MAP2K4: variants seen among roughly 807,000 people sequenced by gnomAD.
MAP2K4 encodes the protein mitogen-activated protein kinase kinase 4.
Under a neutral mutation model 48.5 loss-of-function variants are expected in MAP2K4, and 4 were observed. The ratio of observed to expected loss-of-function variants is 0.08; its 90% confidence interval spans 0.04 to 0.19. The LOEUF (loss-of-function observed/expected upper bound fraction) is 0.19. Ranked by LOEUF, MAP2K4 falls within the 10% of genes least tolerant of loss-of-function variation. The probability of loss-of-function intolerance (pLI) is 1.00; values close to 1 mark genes in which losing one functional copy is unlikely to be tolerated. For synonymous variants in MAP2K4, 166 were observed against 173.1 expected (o/e 0.96, Z 0.32); for missense variants, 258 against 493.3 (o/e 0.52, Z 4.52).
At chr17:12,079,080 A>C (rs1971105551) in intron 2 of MAP2K4, among the ~76,000 whole-genome samples, 1 of 152,204 alleles carries the variant, frequency 6.6e-6, no homozygotes, top group African/African-American at 2.4e-5. Context: ...AGCTTTGCTG[A>C]GATGTAATTC....
At chr17:12,023,011 T>C (rs1371180786) in intron 1 of MAP2K4, among the ~76,000 whole-genome samples, 1 of 152,218 alleles carries the variant, frequency 6.6e-6, no homozygotes, top group Admixed American at 6.5e-5. Flanking sequence ...CCTCAGCCCT[T>C]GTATGTTGAT....
intron 4 of MAP2K4, among the ~76,000 whole-genome samples, chr17:12,096,080 C>G (rs1432041003): frequency 4.8e-5 from 2 of 41,744 alleles, no homozygotes; most frequent in South Asian, 1.3e-3. Context: ...CCCCCCCCCC[C>G]CCCCCCCCGC....
chr17:12,031,375 G>T (rs7208037), intron 1 of MAP2K4, among the ~76,000 whole-genome samples: 5 of 152,056 alleles, frequency 3.3e-5, no homozygotes, highest in Non-Finnish European at 5.9e-5. Context: ...TGCGTGTTTT[G>T]ATTGAATTTG....
In MAP2K4 at chr17:12,143,520, C is replaced by A. The variant is rs1383091869; in HGVS notation, c.*2260C>A. ...CCATAGAAAAATGTATAAAAATTAT[C>A]AAAAAGCTAATGTGCAGGGATATTG... is the stretch of plus-strand genomic sequence containing the variant. On this transcript the variant is annotated 3_prime_UTR_variant, in exon 11 of 11. Coordinates refer to ENST00000353533, the MANE Select transcript of MAP2K4 (RefSeq NM_003010.4). 4.3e-6 allele frequency: 1 copy of A among 231,356 alleles called. No homozygotes were observed. The highest frequency in any genetic ancestry group is 2.2e-5 in the African/African-American group (1 of 45,200). The allele number at this position is 231,356 out of a possible 1,614,324, so 14.3% of individuals were successfully genotyped here.
intron 3 of MAP2K4, among the ~76,000 whole-genome samples, chr17:12,092,931 C>G (rs1332211185): frequency 6.6e-6 from 1 of 152,092 alleles, no homozygotes; most frequent in East Asian, 1.9e-4. Flanking sequence ...GAGGCTGAGG[C>G]AGAAGAATGG....
intron 2 of MAP2K4, among the ~76,000 whole-genome samples, chr17:12,068,789 G>T (rs1022076959): frequency 6.7e-6 from 1 of 148,226 alleles, no homozygotes; most frequent in African/African-American, 2.4e-5. Flanking sequence ...ATGTATTTAT[G>T]TATACATGTG....
At chr17:12,025,826 T>G (rs1969235852) in intron 1 of MAP2K4, among the ~76,000 whole-genome samples, 1 of 152,370 alleles carries the variant, frequency 6.6e-6, no homozygotes, top group East Asian at 1.9e-4. Flanking sequence ...GAATATAAAA[T>G]GTATATGAAA....
chr17:12,051,355 A>G (rs1305331833), intron 1 of MAP2K4, among the ~76,000 whole-genome samples: 7 of 152,302 alleles, frequency 4.6e-5, no homozygotes, highest in East Asian at 3.9e-4. Context: ...GTCCATGTCA[A>G]CTTTATTCCC....
intron 9 of MAP2K4, 29 bp downstream of exon 9, chr17:12,129,316 C>G (rs369553046): frequency 6.8e-6 from 11 of 1,613,948 alleles, no homozygotes; most frequent in Non-Finnish European, 8.5e-6. Context: ...AATGGTCGAA[C>G]ACGCATGGCG....
At chr17:12,064,948 G>A (rs1048529625) in intron 2 of MAP2K4, among the ~76,000 whole-genome samples, 5 of 152,158 alleles carry the variant, frequency 3.3e-5, no homozygotes, top group African/African-American at 4.8e-5. Flanking sequence ...CAGAAGAAGC[G>A]AGACACAAAA....
At chr17:12,134,989 A>G (rs938927700) in intron 9 of MAP2K4, among the ~76,000 whole-genome samples, 1 of 152,156 alleles carries the variant, frequency 6.6e-6, no homozygotes, top group Admixed American at 6.5e-5. Context: ...TGCAACCTCA[A>G]CTTCCCAGGC....
chr17:12,112,156 C>T (rs1201746796), intron 6 of MAP2K4, among the ~76,000 whole-genome samples: 3 of 152,092 alleles, frequency 2.0e-5, no homozygotes, highest in Non-Finnish European at 4.4e-5. Context: ...CAATAAAACA[C>T]AGGTTCTGTT....
chr17:12,069,666 G>T (rs1567643477), intron 2 of MAP2K4: 2 of 1,002,492 alleles, frequency 2.0e-6, no homozygotes, highest in Non-Finnish European at 2.4e-6. Context: ...TTAGATCACA[G>T]CAAAGATACT....
chr17:12,040,932 T>G (rs1190218516), intron 1 of MAP2K4, among the ~76,000 whole-genome samples: 2 of 152,200 alleles, frequency 1.3e-5, no homozygotes, highest in African/African-American at 2.4e-5. Context: ...ATTATTAAAG[T>G]CTCTCTCTCA....
rs1971935143 is a variant in MAP2K4, at chr17:12,101,531, C to G, written c.513+5837C>G. Among the ~76,000 whole-genome samples, 4 of 152,066 alleles carry G rather than the reference C, an allele frequency of 2.6e-5. No homozygotes were observed. In the South Asian group the frequency reaches 8.3e-4, roughly 32 times the overall value. On this transcript the variant is annotated intron_variant, in intron 4 of 10. Transcript: ENST00000353533. ...TTTAGAATCCACTTGTCGATTTCTACCAAAAAACCCGAAAAAAACCAACAA... is the reference window on the plus strand; with the variant it reads ...TTTAGAATCCACTTGTCGATTTCTAGCAAAAAACCCGAAAAAAACCAACAA...
intron 4 of MAP2K4, 76 bp from the exon 5 acceptor site, chr17:12,107,714 A>G (rs184952093): frequency 1.6e-4 from 204 of 1,241,932 alleles, no homozygotes; most frequent in South Asian, 2.6e-4. Flanking sequence ...GCTCCTTTCT[A>G]TTGTATTTCC....
At chr17:12,114,466 A>T (rs1972418365) in intron 7 of MAP2K4, among the ~76,000 whole-genome samples, 1 of 151,612 alleles carries the variant, frequency 6.6e-6, no homozygotes, top group South Asian at 2.1e-4. Context: ...GGTTTTGTGG[A>T]TGTTGACTGG....
chr17:12,066,712 CGGA>C (rs1970627151), intron 2 of MAP2K4, among the ~76,000 whole-genome samples: 1 of 151,738 alleles, frequency 6.6e-6, no homozygotes, highest in Non-Finnish European at 1.5e-5. Flanking sequence ...TTTTTTGAGA[CGGA>C]GTCTCGTTCT....
Position 12,044,811 on chromosome 17 carries a change from C to T in MAP2K4, c.116-10078C>T, listed in dbSNP as rs949390447. Among the ~76,000 whole-genome samples, 14 of 152,204 alleles carry T rather than the reference C, an allele frequency of 9.2e-5. 1 individual carries two copies. In the East Asian group the frequency reaches 1.3e-3, roughly 15 times the overall value. ...TGGGCCTTCAGAACTTCTGACTGTC[C>T]GGCTCCCAGTTGGGTTTCCCACAAC... On this transcript the variant is annotated intron_variant, in intron 1 of 10. Coordinates refer to ENST00000353533, the MANE Select transcript of MAP2K4 (RefSeq NM_003010.4).
Sources: gnomAD v4.1 joint callset for allele counts (sites outside exome capture counted in the v4.1 genomes callset) on GRCh38, gnomAD v4.1.1 for gene constraint, MANE v1.5 for transcripts, NCBI Gene and HGNC (gene_info 2026-07-23, HGNC 2026-07-21) for gene names.